The following MSRA variants were observed in gnomAD, a reference collection of about 807,000 sequenced individuals.
MSRA encodes the protein mitochondrial peptide methionine sulfoxide reductase.
A neutral mutation model predicts 31.3 loss-of-function variants in MSRA; 54 were observed. That is an observed-to-expected ratio of 1.73 (90% CI 1.39 to 2.17). The LOEUF is 2.17. Among genes scored for constraint, MSRA ranks in the 30% most tolerant of loss-of-function variants. The probability of loss-of-function intolerance (pLI) is 0.00; values close to 1 mark genes in which losing one functional copy is unlikely to be tolerated. For synonymous variants in MSRA, 169 were observed against 116.5 expected, an observed-to-expected ratio of 1.45 and a Z score of -2.90; for missense variants, 507 against 300.9, an observed-to-expected ratio of 1.69 and a Z score of -5.07.
At chr8:10,139,884 T>G (rs963977275) in intron 1 of MSRA, among the ~76,000 whole-genome samples, 36 of 152,232 alleles carry the variant, frequency 2.4e-4, no homozygotes, top group African/African-American at 8.2e-4. Context: ...TCCTCAGTGT[T>G]GTGTGTAAAG....
At chr8:10,391,269 T>C (rs7836668) in intron 5 of MSRA, among the ~76,000 whole-genome samples, 136,755 of 152,190 alleles carry the variant, frequency 0.9, 62,572 homozygotes, top group East Asian at 1. Flanking sequence ...CTACACCTGC[T>C]GAAGACCCGG....
chr8:10,133,891 C>G (rs1481285996), intron 1 of MSRA, among the ~76,000 whole-genome samples: 1 of 152,088 alleles, frequency 6.6e-6, no homozygotes, highest in Non-Finnish European at 1.5e-5. Context: ...AGTGCAGTGT[C>G]ACAATCTCGG....
chr8:10,427,300 G>C (rs993633137), intron 5 of MSRA, among the ~76,000 whole-genome samples: 1 of 152,234 alleles, frequency 6.6e-6, no homozygotes, highest in Non-Finnish European at 1.5e-5. Flanking sequence ...CCAAAGGGGA[G>C]AAGAAGCAGG....
chr8:10,393,776 A>G (rs540869627), intron 5 of MSRA, among the ~76,000 whole-genome samples: 1 of 152,358 alleles, frequency 6.6e-6, no homozygotes, highest in African/African-American at 2.4e-5. Flanking sequence ...TTACATGGCT[A>G]ATAGGTGAGC....
intron 5 of MSRA, among the ~76,000 whole-genome samples, chr8:10,341,586 G>C (rs907226676): frequency 1.3e-5 from 2 of 152,270 alleles, no homozygotes; most frequent in South Asian, 4.2e-4. Context: ...ATACAGCGCT[G>C]GGCTTGGACA....
At chr8:10,098,053 A>T (rs1799294982) in intron 1 of MSRA, among the ~76,000 whole-genome samples, 1 of 152,188 alleles carries the variant, frequency 6.6e-6, no homozygotes, top group African/African-American at 2.4e-5. Flanking sequence ...AGTGTGATTA[A>T]GAAGTTGCGT....
At chr8:10,414,928 C>T (rs1481916198) in intron 5 of MSRA, among the ~76,000 whole-genome samples, 6 of 152,128 alleles carry the variant, frequency 3.9e-5, no homozygotes, top group African/African-American at 7.2e-5. Context: ...GGAGAAGATC[C>T]ATGTCTCCCG....
chr8:10,378,073 A>G (rs912976448), intron 5 of MSRA, among the ~76,000 whole-genome samples: 7 of 152,216 alleles, frequency 4.6e-5, no homozygotes, highest in Admixed American at 3.9e-4. Flanking sequence ...GTGGCTCGAC[A>G]TTGGCAGAGG....
At chr8:10,057,026 A>T (rs775449845) in intron 1 of MSRA, among the ~76,000 whole-genome samples, 4 of 152,216 alleles carry the variant, frequency 2.6e-5, no homozygotes, top group Non-Finnish European at 5.9e-5. Context: ...ATTCTTAAGG[A>T]CAATTCCACC....
At chr8:10,084,917 A>T (rs561074056) in intron 1 of MSRA, among the ~76,000 whole-genome samples, 93 of 152,090 alleles carry the variant, frequency 6.1e-4, no homozygotes, top group Admixed American at 1.8e-3. Flanking sequence ...TTTATTTTTT[A>T]AAAAATTTAT....
At chr8:10,390,207 G>C (rs978765229) in intron 5 of MSRA, among the ~76,000 whole-genome samples, 1 of 152,256 alleles carries the variant, frequency 6.6e-6, no homozygotes, top group Non-Finnish European at 1.5e-5. Context: ...GCCCAGTACA[G>C]GGTCTGCTCT....
intron 5 of MSRA, among the ~76,000 whole-genome samples, chr8:10,400,383 G>GTGTA (rs1252974336): frequency 1.2e-5 from 1 of 86,432 alleles, no homozygotes; most frequent in Non-Finnish European, 3.3e-5. Context: ...GTGTGTGTGT[G>GTGTA]TAGTGTGTAG....
chr8:10,389,083 G>C (rs553679061), intron 5 of MSRA, among the ~76,000 whole-genome samples: 1 of 152,248 alleles, frequency 6.6e-6, no homozygotes, highest in Admixed American at 6.5e-5. Context: ...TCATCACCAA[G>C]GTCTGATTTT....
At chr8:10,077,584 G>C (rs1012107395) in intron 1 of MSRA, among the ~76,000 whole-genome samples, 14 of 148,202 alleles carry the variant, frequency 9.4e-5, no homozygotes, top group Admixed American at 2.0e-4. Flanking sequence ...GAGTCTCTCT[G>C]AGTGTTGGAA....
intron 5 of MSRA, among the ~76,000 whole-genome samples, chr8:10,371,861 A>G (rs1023149113): frequency 2.6e-5 from 4 of 152,158 alleles, no homozygotes; most frequent in African/African-American, 9.6e-5. Flanking sequence ...TGACTTGGCA[A>G]CACTTGCTGA....
intron 1 of MSRA, among the ~76,000 whole-genome samples, chr8:10,136,858 TTG>T (rs1332246982): frequency 6.6e-6 from 1 of 152,162 alleles, no homozygotes; most frequent in Admixed American, 6.5e-5. Context: ...AAATTAGAAC[TTG>T]TGTCTTCTTC....
At position 10,319,930 on chromosome 8, in the gene MSRA, T is replaced by G. The variant is rs1414383536; in HGVS notation, c.484T>G (p.Tyr162Asp). 4 of 1,601,726 alleles carry G rather than the reference T, an allele frequency of 2.5e-6. No individual in the cohort carries two copies. Among genetic ancestry groups the G allele is most frequent in the Non-Finnish European group, 3.4e-6 (4 of 1,174,446 alleles). Residue 162 changes from tyrosine to aspartate, a missense_variant, in exon 5 of 6, where the codon TAC becomes GAC. By Grantham distance (160) the Tyr-to-Asp change is radical. Transcript: ENST00000317173. ...DHGTQYRSAI[Y>D]PTSAKQMEAA... is the part of the protein sequence containing the mutation. ...TGGCACTCAGTACCGCTCGGCCATC[T>G]ACCCGACCTCTGCCAAGCAAATGGA...
intron 2 of MSRA, among the ~76,000 whole-genome samples, chr8:10,220,685 A>C (rs1201325791): frequency 6.6e-6 from 1 of 152,126 alleles, no homozygotes; most frequent in Non-Finnish European, 1.5e-5. Flanking sequence ...TTCTAGTGGG[A>C]GCCTGCGTCC....
intron 3 of MSRA, among the ~76,000 whole-genome samples, chr8:10,298,906 A>T (rs1183149083): frequency 6.6e-6 from 1 of 152,080 alleles, no homozygotes; most frequent in Non-Finnish European, 1.5e-5. Context: ...TACCTTTGAG[A>T]TGGATTTCCT....
Sources: allele counts gnomAD v4.1 joint callset (sites outside exome capture counted in the v4.1 genomes callset), GRCh38; gene constraint gnomAD v4.1.1; transcripts MANE v1.5; gene names NCBI Gene and HGNC (gene_info 2026-07-23, HGNC 2026-07-21).